Variants in ZMYND8 observed in about 807,000 individuals in gnomAD.
ZMYND8 encodes MYND-type zinc finger-containing chromatin reader ZMYND8.
Under a neutral mutation model 140.8 loss-of-function variants are expected in ZMYND8, and 37 were observed. The ratio of observed to expected loss-of-function variants is 0.26; its 90% CI spans 0.20 to 0.35. ZMYND8 has a LOEUF of 0.35. Among genes scored for constraint, ZMYND8 ranks in the 10% least tolerant of loss-of-function variants. The probability of loss-of-function intolerance (pLI) is 1.00; values close to 1 mark genes in which losing one functional copy is unlikely to be tolerated. For synonymous variants in ZMYND8, 592 were observed against 597.1 expected, an observed-to-expected ratio of 0.99 and a Z score of 0.12; for missense variants, 1,068 against 1,570.0, an observed-to-expected ratio of 0.68 and a Z score of 5.40.
At chr20:47,346,990 T>G (rs2082388399) in intron 2 of ZMYND8, among the ~76,000 whole-genome samples, 1 of 152,200 alleles carries the variant, frequency 6.6e-6, no homozygotes, top group African/African-American at 2.4e-5. Context: ...TGCAGCCAAA[T>G]GAGAATCTCC....
chr20:47,269,706 C>G (rs565200110), intron 11 of ZMYND8, among the ~76,000 whole-genome samples: 3 of 152,296 alleles, frequency 2.0e-5, no homozygotes, highest in Admixed American at 1.3e-4. Flanking sequence ...ATGCCCTTTC[C>G]CTCCCATGCA....
chr20:47,250,685 G>A (rs1486313255), intron 12 of ZMYND8, among the ~76,000 whole-genome samples: 2 of 152,144 alleles, frequency 1.3e-5, no homozygotes, highest in African/African-American at 4.8e-5. Flanking sequence ...CCTTTGGCCT[G>A]ACCCAACCAC....
intron 4 of ZMYND8, 146 bp from the exon 5 acceptor site, chr20:47,294,925 T>C: frequency 7.3e-6 from 5 of 682,090 alleles, no homozygotes; most frequent in Non-Finnish European, 1.3e-5. Flanking sequence ...CAAAGACTCC[T>C]GGAACAAAAT....
intron 13 of ZMYND8, among the ~76,000 whole-genome samples, chr20:47,248,473 C>G (rs2073907876): frequency 6.6e-6 from 1 of 152,184 alleles, no homozygotes; most frequent in Admixed American, 6.5e-5. Context: ...TGCAGAGCAC[C>G]CACTGACACT....
At chr20:47,295,328 G>A (rs1601680698) in intron 4 of ZMYND8, among the ~76,000 whole-genome samples, 2 of 152,224 alleles carry the variant, frequency 1.3e-5, no homozygotes, top group East Asian at 3.8e-4. Context: ...GGGAGGCGGA[G>A]GCTGCAGTGA....
chr20:47,281,878 AC>A (rs2076627799), intron 10 of ZMYND8, among the ~76,000 whole-genome samples: 1 of 152,198 alleles, frequency 6.6e-6, no homozygotes, highest in Non-Finnish European at 1.5e-5. Context: ...TCATCAACAG[AC>A]CCAGTAAAGT....
At chr20:47,270,671 G>C (rs1454939394) in intron 11 of ZMYND8, among the ~76,000 whole-genome samples, 1 of 145,224 alleles carries the variant, frequency 6.9e-6, no homozygotes, top group Non-Finnish European at 1.5e-5. Context: ...GACCAGCCTG[G>C]GCAACATAGT....
chr20:47,223,561 A>G (rs2146965220), intron 19 of ZMYND8, among the ~76,000 whole-genome samples: 1 of 151,888 alleles, frequency 6.6e-6, no homozygotes, highest in African/African-American at 2.4e-5. Flanking sequence ...GCTGTGGCTC[A>G]CGCCTGTAAT....
intron 16 of ZMYND8, among the ~76,000 whole-genome samples, chr20:47,232,204 T>A (rs1301637465): frequency 6.6e-6 from 1 of 152,086 alleles, no homozygotes; most frequent in Non-Finnish European, 1.5e-5. Context: ...AAACCCCGTC[T>A]CTACCAAAAA....
In ZMYND8 at chr20:47,249,382, G is replaced by A. The variant is rs144873781; in HGVS notation, c.1679C>T (p.Ser560Phe). ...KELSESVQQQ[S>F]TPVPLISPKR... ...GGGAGAGATGAGAGGAACAGGGGTG[G>A]ACTGTTGCTGGACCGACTCGCTCAG... Residue 560 changes from serine (S) to phenylalanine (F), a missense_variant, in exon 13 of 23, where the codon TCC (serine) becomes TTC (phenylalanine). By Grantham distance (155) the Ser-to-Phe change is radical. Transcript: ENST00000471951. 149 of 1,614,150 alleles carry A rather than the reference G, an allele frequency of 9.2e-5. 1 individual carries two copies. The Middle Eastern group carries it at 9.9e-4, about 11-fold the overall frequency.
At chr20:47,272,890 G>A (rs1347230732) in intron 11 of ZMYND8, among the ~76,000 whole-genome samples, 1 of 152,140 alleles carries the variant, frequency 6.6e-6, no homozygotes, top group African/African-American at 2.4e-5. Flanking sequence ...GTGAACTACT[G>A]TCTTATCTCA....
chr20:47,222,584 A>T (rs2037144056), intron 19 of ZMYND8, among the ~76,000 whole-genome samples: 1 of 152,210 alleles, frequency 6.6e-6, no homozygotes, highest in Non-Finnish European at 1.5e-5. Context: ...GAATTTAGGA[A>T]GAACAGATGT....
chr20:47,299,937 G>A (rs1230063357), intron 3 of ZMYND8, among the ~76,000 whole-genome samples: 1 of 152,182 alleles, frequency 6.6e-6, no homozygotes, highest in African/African-American at 2.4e-5. Context: ...GAGCCAACAA[G>A]AGGCTTCCTA....
chr20:47,215,090 C>CG (rs1416670699), intron 21 of ZMYND8, among the ~76,000 whole-genome samples: 1 of 152,030 alleles, frequency 6.6e-6, no homozygotes, highest in East Asian at 1.9e-4. Flanking sequence ...TTAAAAATGT[C>CG]GGCCAGGCAT....
intron 1 of ZMYND8, among the ~76,000 whole-genome samples, chr20:47,352,251 A>G (rs2148634194): frequency 6.6e-6 from 1 of 152,332 alleles, no homozygotes; most frequent in Middle Eastern, 3.4e-3. Context: ...AGGTAAAATG[A>G]AAGTGCTTCA....
intron 2 of ZMYND8, among the ~76,000 whole-genome samples, chr20:47,334,053 TAG>T (rs2081192306): frequency 6.6e-6 from 1 of 152,234 alleles, no homozygotes; most frequent in Non-Finnish European, 1.5e-5. Context: ...TCAGAACACT[TAG>T]AGTTAGGCAA....
intron 8 of ZMYND8, 73 bp downstream of exon 8, chr20:47,287,156 G>C (rs1264638793): frequency 7.3e-7 from 1 of 1,371,424 alleles, no homozygotes; most frequent in Non-Finnish European, 1.0e-6. Context: ...AGGAGATTCT[G>C]CAAATGGAAA....
At chr20:47,325,476 C>A (rs2080334424) in intron 2 of ZMYND8, among the ~76,000 whole-genome samples, 1 of 152,182 alleles carries the variant, frequency 6.6e-6, no homozygotes, top group Admixed American at 6.5e-5. Flanking sequence ...CTAAGAATTT[C>A]TTCCAGCAAA....
chr20:47,291,850 G>A lies in ZMYND8; in HGVS notation c.606C>T (p.His202=). ...AFQKPVPLEQ[H]PDYAEYIFHP... Reference sequence around the variant, plus strand: ...GGAAGATGTATTCCGCATAGTCAGGGTGCTGTTCCAATGGAACGGGCTTCT... The same window carrying A: ...GGAAGATGTATTCCGCATAGTCAGGATGCTGTTCCAATGGAACGGGCTTCT... The change falls in exon 6 of 23, where the codon CAC becomes CAT. Residue 202 remains histidine, a synonymous_variant. Coordinates refer to ENST00000471951, the MANE Select transcript of ZMYND8 (RefSeq NM_001281775.3). 1.9e-6 allele frequency: 3 copies of A among 1,613,268 alleles called. No homozygotes were observed. The highest frequency in any genetic ancestry group is 1.1e-5 in the South Asian group (1 of 90,822).
Sources: allele counts gnomAD v4.1 joint callset (sites outside exome capture counted in the v4.1 genomes callset), GRCh38; gene constraint gnomAD v4.1.1; transcripts MANE v1.5; gene names NCBI Gene and HGNC (gene_info 2026-07-23, HGNC 2026-07-21).